PROM1: variants seen among roughly 807,000 people sequenced by gnomAD.
The protein encoded by PROM1 is prominin 1.
A neutral mutation model predicts 116.9 loss-of-function variants in PROM1; 105 were observed. That is an observed-to-expected ratio of 0.90 (90% CI 0.77 to 1.06). The LOEUF is 1.06. Among genes scored for constraint, PROM1 ranks in the 50% least tolerant of loss-of-function variants. The pLI is 0.00. For missense variants in PROM1, 1,122 were observed against 1,045.2 expected (o/e 1.07, Z -1.01); for synonymous variants, 393 against 387.0 (o/e 1.02, Z -0.18).
chr4:16,029,607 A>T (rs1181868770), intron 5 of PROM1, among the ~76,000 whole-genome samples: 2 of 152,192 alleles, frequency 1.3e-5, no homozygotes, highest in Non-Finnish European at 2.9e-5. Context: ...GCCCACGTAG[A>T]TTGCACATCT....
At position 16,004,827 on chromosome 4, in the gene PROM1, CTT is replaced by C. The variant is rs1553903936; in HGVS notation, c.1454+1709_1454+1710del. Among the ~76,000 whole-genome samples, 694 of 123,692 alleles carry C rather than the reference CTT, an allele frequency of 5.6e-3. 5 individuals are homozygous for C. Among genetic ancestry groups the C allele is most frequent in the African/African-American group, 0.021 (640 of 31,032 alleles). The allele number at this position is 123,692 out of a possible 152,430, so 81.1% of individuals were successfully genotyped here. On this transcript the variant is annotated intron_variant, in intron 13 of 27. Coordinates refer to ENST00000447510, the MANE Select transcript of PROM1 (RefSeq NM_006017.3). ...CTAATCTTTCTTTCTTTCTTTCTTT[CTT>C]TTTCTTCCTTCCTTCCTTCCTTCCT...
intron 20 of PROM1, 86 bp downstream of exon 20, chr4:15,987,577 G>C: frequency 7.5e-7 from 1 of 1,328,386 alleles, no homozygotes; most frequent in South Asian, 1.3e-5. Flanking sequence ...TCAACTTAAA[G>C]TACCTACAAA....
In PROM1 at chr4:16,057,919, G is replaced by A. The variant is rs908718537; in HGVS notation, c.220+17768C>T. Reference sequence around the variant, plus strand: ...CATTCCTTACCTGTTTGCTGAACAAGGAACATACGAAGCAAAAGGTACAGC... The same window carrying A: ...CATTCCTTACCTGTTTGCTGAACAAAGAACATACGAAGCAAAAGGTACAGC... On this transcript the variant is annotated intron_variant, in intron 2 of 27. Transcript: ENST00000447510. Among the ~76,000 whole-genome samples the A allele has an allele frequency of 2.6e-5, 4 of 152,164 alleles. 1 individual carries two copies. The highest frequency in any genetic ancestry group is 2.6e-4 in the Admixed American group (4 of 15,266).
intron 11 of PROM1, among the ~76,000 whole-genome samples, chr4:16,011,216 C>A (rs1461504884): frequency 1.3e-5 from 2 of 152,174 alleles, no homozygotes; most frequent in African/African-American, 4.8e-5. Context: ...CTTTTCCAGG[C>A]AGCCTCCCAC....
chr4:15,985,422 C>T (rs548380250), intron 22 of PROM1: 62 of 250,426 alleles, frequency 2.5e-4, no homozygotes, highest in African/African-American at 8.3e-4. Context: ...AACAGTGAGA[C>T]CCAGCCTACA....
chr4:16,022,299 A>T (rs1221451047), intron 8 of PROM1, among the ~76,000 whole-genome samples: 1 of 152,186 alleles, frequency 6.6e-6, no homozygotes, highest in African/African-American at 2.4e-5. Flanking sequence ...TTGGTAATGA[A>T]GAGAACAGAT....
intron 3 of PROM1, among the ~76,000 whole-genome samples, chr4:16,036,181 T>C (rs1733900780): frequency 6.6e-6 from 1 of 152,236 alleles, no homozygotes; most frequent in Non-Finnish European, 1.5e-5. Flanking sequence ...TCTGATGGTG[T>C]TATTCCCATG....
Position 15,998,241 on chromosome 4 carries a change from T to C in PROM1, c.1682+144A>G, listed in dbSNP as rs555338187. 17 of 1,258,858 alleles carry C rather than the reference T, an allele frequency of 1.4e-5. No homozygotes were observed. The East Asian group carries it at 3.8e-4, about 28-fold the overall frequency. The allele number at this position is 1,258,858 out of a possible 1,614,324, so 78.0% of individuals were successfully genotyped here. On this transcript the variant is annotated intron_variant, in intron 15 of 27. Coordinates refer to ENST00000447510, the MANE Select transcript of PROM1 (RefSeq NM_006017.3). ...AATATATTTTTGATCTAATTTCTACTGTGTCTTTAAAATAATACAGGACAG... is the reference window on the plus strand; with the variant it reads ...AATATATTTTTGATCTAATTTCTACCGTGTCTTTAAAATAATACAGGACAG...
intron 26 of PROM1, among the ~76,000 whole-genome samples, chr4:15,978,620 ACCC>A (rs1017471305): frequency 1.3e-5 from 2 of 151,828 alleles, no homozygotes; most frequent in Admixed American, 6.6e-5. Context: ...CGTTAGACTC[ACCC>A]TTTTGCATCT....
In PROM1 at chr4:15,985,474, G is replaced by A. The variant is rs1719112859; in HGVS notation, c.2280+286C>T. The stretch of plus-strand genomic sequence containing the variant: ...AAAAAGTTCTCGTGCCCAGCATAGT[G>A]TTTTAGTTCAAATTTGTTACCTGGC... On this transcript the variant is annotated intron_variant, in intron 22 of 27. Transcript: ENST00000447510. 1.8e-5 allele frequency: 7 copies of A among 399,834 alleles called. No homozygotes were observed. The South Asian group carries it at 2.1e-4, about 12-fold the overall frequency. 24.8% of individuals were successfully genotyped at this position (399,834 alleles called of 1,614,324 possible). A position where few individuals can be genotyped will look rare whatever the true frequency, so the allele number is the denominator to read the frequency against.
chr4:16,026,602 A>G (rs1373640609), intron 5 of PROM1, among the ~76,000 whole-genome samples: 2 of 152,176 alleles, frequency 1.3e-5, no homozygotes, highest in African/African-American at 4.8e-5. Flanking sequence ...ATGACTAAAC[A>G]TCCCATTTTT....
rs1728400986 is a variant in PROM1, at chr4:16,016,379, G to A, written c.1003-139C>T. The A allele has an allele frequency of 8.6e-6, 6 of 700,318 alleles. No individual in the cohort carries two copies. The South Asian group carries it at 1.2e-4, about 14-fold the overall frequency. The allele number at this position is 700,318 out of a possible 1,614,324, so 43.4% of individuals were successfully genotyped here. On this transcript the variant is annotated intron_variant, in intron 9 of 27. Coordinates refer to ENST00000447510, the MANE Select transcript of PROM1 (RefSeq NM_006017.3). ...CAATCGCAGTTTCTTTTGAACAATAGAGTTTTATTTCGGAAAAACACAGCT... is the reference window on the plus strand; with the variant it reads ...CAATCGCAGTTTCTTTTGAACAATAAAGTTTTATTTCGGAAAAACACAGCT...
At chr4:16,025,817 T>G (rs368229626) in intron 5 of PROM1, among the ~76,000 whole-genome samples, 1 of 152,330 alleles carries the variant, frequency 6.6e-6, no homozygotes, top group East Asian at 1.9e-4. Flanking sequence ...CTTCTAAGGC[T>G]TTTGGTTTCT....
intron 4 of PROM1, among the ~76,000 whole-genome samples, 162 bp from the exon 5 acceptor site, chr4:16,033,671 C>T (rs1239151681): frequency 2.2e-5 from 3 of 138,790 alleles, no homozygotes; most frequent in Non-Finnish European, 4.6e-5. Context: ...CTCACTGCAA[C>T]CTCTGCCTCC....
chr4:16,025,263 T>G lies in PROM1; in HGVS notation c.559A>C (p.Ile187Leu), dbSNP rs376885208. The G allele has an allele frequency of 2.5e-6, 4 of 1,613,830 alleles. No homozygotes were observed. Among genetic ancestry groups the G allele is most frequent in the Non-Finnish European group, 3.4e-6 (4 of 1,179,802 alleles). The change falls in exon 6 of 28, where the codon ATC becomes CTC. Residue 187 changes from isoleucine to leucine, a missense_variant. By Grantham distance (5) the Ile-to-Leu change is conservative. Coordinates refer to ENST00000447510, the MANE Select transcript of PROM1 (RefSeq NM_006017.3). ...TCTGCCAGTTTCCGACTCCTTTTGA[T>G]CCGGGTTCTTACCTGGTGATTTGCC... ...FVANHQVRTRIKRSRKLADSN... is the reference protein window; with the variant it reads ...FVANHQVRTRLKRSRKLADSN...
intron 13 of PROM1, chr4:16,003,447 A>T (rs1369255577): frequency 2.2e-6 from 1 of 456,046 alleles, no homozygotes; most frequent in Non-Finnish European, 4.4e-6. Flanking sequence ...ATAACCTCAG[A>T]AACTGCCACC....
chr4:16,010,960 G>A (rs529728991), intron 11 of PROM1, among the ~76,000 whole-genome samples: 1 of 152,150 alleles, frequency 6.6e-6, no homozygotes, highest in Non-Finnish European at 1.5e-5. Flanking sequence ...GCTCGTGTGT[G>A]AAAACACCTG....
chr4:15,988,208 G>A (rs1305998773), intron 19 of PROM1, among the ~76,000 whole-genome samples: 1 of 152,180 alleles, frequency 6.6e-6, no homozygotes, highest in Admixed American at 6.5e-5. Flanking sequence ...TCTGGTGTAA[G>A]AAAACCTGAA....
intron 5 of PROM1, among the ~76,000 whole-genome samples, chr4:16,032,403 T>A (rs1732921975): frequency 6.6e-6 from 1 of 152,164 alleles, no homozygotes; most frequent in African/African-American, 2.4e-5. Context: ...CTGTTTTCTG[T>A]TAAAATTCCT....
Sources: gnomAD v4.1 joint callset for allele counts (sites outside exome capture counted in the v4.1 genomes callset) on GRCh38, gnomAD v4.1.1 for gene constraint, MANE v1.5 for transcripts, NCBI Gene and HGNC (gene_info 2026-07-23, HGNC 2026-07-21) for gene names.